GRIK3: variants seen among roughly 807,000 people sequenced by gnomAD.
GRIK3 encodes glutamate receptor ionotropic, kainate 3.
In GRIK3, 29 loss-of-function variants were observed where a neutral mutation model predicts 102.5. The observed-to-expected ratio is 0.28, with a 90% confidence interval of 0.21 to 0.39. The LOEUF is 0.39. Ranked by LOEUF, GRIK3 falls within the 10% of genes least tolerant of loss-of-function variation. The pLI, the probability that GRIK3 is intolerant of heterozygous loss-of-function variation, is 1.00. For synonymous variants in GRIK3, 511 were observed against 504.9 expected (o/e 1.01, Z -0.16); for missense variants, 908 against 1,252.4 (o/e 0.73, Z 4.15).
intron 1 of GRIK3, among the ~76,000 whole-genome samples, chr1:36,983,162 C>T (rs1025423770): frequency 3.3e-5 from 5 of 152,120 alleles, no homozygotes; most frequent in Non-Finnish European, 5.9e-5. Flanking sequence ...TTCCCGACAC[C>T]GACACCGAGG....
intron 1 of GRIK3, among the ~76,000 whole-genome samples, chr1:37,019,408 C>T (rs765342286): frequency 1.3e-5 from 2 of 152,146 alleles, no homozygotes; most frequent in East Asian, 1.9e-4. Context: ...ACTTTCAGTT[C>T]GTCTCTTCAT....
Position 36,853,648 on chromosome 1 carries a change from G to T in GRIK3, c.1179C>A (p.Asp393Glu). 1 of 1,613,584 alleles carries T rather than the reference G, an allele frequency of 6.2e-7. No individual in the cohort carries two copies. Among genetic ancestry groups the T allele is most frequent in the Non-Finnish European group, 8.5e-7 (1 of 1,179,606 alleles). ...GGCCATCCTCTTTCAGGCTGATGATGTCCAGATCAAAATCCGTCCGCAAGC... is the reference window on the plus strand; with the variant it reads ...GGCCATCCTCTTTCAGGCTGATGATTTCCAGATCAAAATCCGTCCGCAAGC... The part of the protein sequence containing the change: ...TSGLRTDFDL[D>E]IISLKEDGLE... The change falls in exon 8 of 16, where the codon GAC becomes GAA. Residue 393 changes from aspartate to glutamate, a missense_variant. Transcript: ENST00000373091.
chr1:36,845,656 C>A (rs1481904570), intron 9 of GRIK3, among the ~76,000 whole-genome samples: 1 of 152,250 alleles, frequency 6.6e-6, no homozygotes, highest in East Asian at 1.9e-4. Flanking sequence ...GTCCTTGGCA[C>A]AAATGCACCA....
intron 1 of GRIK3, among the ~76,000 whole-genome samples, chr1:36,944,072 G>C (rs889896153): frequency 1.3e-5 from 2 of 152,190 alleles, no homozygotes; most frequent in African/African-American, 4.8e-5. Flanking sequence ...GGCATCTGAG[G>C]AAACCTGAAG....
At chr1:36,830,096 A>C (rs1640235538) in intron 10 of GRIK3, among the ~76,000 whole-genome samples, 1 of 152,164 alleles carries the variant, frequency 6.6e-6, no homozygotes, top group Admixed American at 6.5e-5. Flanking sequence ...TCCACCTCTT[A>C]GTTGGGATCC....
chr1:36,842,044 AC>A, intron 9 of GRIK3, 105 bp from the exon 10 acceptor site: 1 of 948,314 alleles, frequency 1.1e-6, no homozygotes, highest in Non-Finnish European at 1.7e-6. Flanking sequence ...GTTTTTATAA[AC>A]CCCTTGGAGT....
In GRIK3 at chr1:36,800,005, C is replaced by G. The variant is rs936339049; in HGVS notation, c.*1846G>C. 4 of 152,216 alleles carry G rather than the reference C, an allele frequency of 2.6e-5. No individual in the cohort carries two copies. Among genetic ancestry groups the G allele is most frequent in the African/African-American group, 9.7e-5 (4 of 41,430 alleles). 9.4% of individuals were successfully genotyped at this position (152,216 alleles called of 1,614,324 possible). A position where few individuals can be genotyped will look rare whatever the true frequency, so the allele number is the denominator to read the frequency against. On this transcript the variant is annotated 3_prime_UTR_variant, in exon 16 of 16. Coordinates refer to ENST00000373091, the MANE Select transcript of GRIK3 (RefSeq NM_000831.4). ...TGGTGTATGTCTAGCCCTCCTCTCC[C>G]TCGTCCAATGTACATAGCCAGTCAG... is the stretch of plus-strand genomic sequence containing the variant.
chr1:37,014,407 C>T (rs142090789), intron 1 of GRIK3, among the ~76,000 whole-genome samples: 4 of 152,330 alleles, frequency 2.6e-5, no homozygotes, highest in Non-Finnish European at 4.4e-5. Context: ...CAAGCTGAAC[C>T]GCAGACCAGC....
intron 2 of GRIK3, 133 bp from the exon 3 acceptor site, chr1:36,881,024 T>G: frequency 1.1e-6 from 1 of 892,538 alleles, no homozygotes; most frequent in South Asian, 1.7e-5. Context: ...ATGGATGAGC[T>G]CTCTGAACCT....
intron 1 of GRIK3, among the ~76,000 whole-genome samples, chr1:36,963,508 T>C (rs916717887): frequency 2.0e-5 from 3 of 152,174 alleles, no homozygotes; most frequent in Non-Finnish European, 4.4e-5. Flanking sequence ...ATTATCTCAC[T>C]GAGTCCTCAC....
At chr1:36,960,799 C>A (rs766075523) in intron 1 of GRIK3, among the ~76,000 whole-genome samples, 3 of 152,192 alleles carry the variant, frequency 2.0e-5, no homozygotes, top group African/African-American at 7.2e-5. Context: ...ATATCAGCAT[C>A]CCTCCTTCCC....
At chr1:36,951,750 G>GAGA (rs1419358857) in intron 1 of GRIK3, among the ~76,000 whole-genome samples, 2 of 152,242 alleles carry the variant, frequency 1.3e-5, no homozygotes, top group East Asian at 3.9e-4. Context: ...AAGGGGGAGG[G>GAGA]AGAAGGAGAA....
chr1:36,821,600 G>C (rs1339400582), intron 11 of GRIK3, among the ~76,000 whole-genome samples: 1 of 152,216 alleles, frequency 6.6e-6, no homozygotes, highest in African/African-American at 2.4e-5. Context: ...CAGGATGCTG[G>C]GTCCACAGTG....
chr1:36,935,053 A>C (rs1372122286), intron 1 of GRIK3, among the ~76,000 whole-genome samples: 1 of 152,170 alleles, frequency 6.6e-6, no homozygotes, highest in Non-Finnish European at 1.5e-5. Flanking sequence ...AAGGATGTAA[A>C]AGGAGTAGGA....
chr1:36,988,404 C>T (rs1434533277), intron 1 of GRIK3, among the ~76,000 whole-genome samples: 1 of 152,258 alleles, frequency 6.6e-6, no homozygotes, highest in African/African-American at 2.4e-5. Context: ...CACTTGCCCT[C>T]CCATCTCTGG....
At chr1:36,886,505 G>C (rs1468288945) in intron 2 of GRIK3, among the ~76,000 whole-genome samples, 2 of 152,198 alleles carry the variant, frequency 1.3e-5, no homozygotes, top group African/African-American at 4.8e-5. Context: ...GAGGGATAGA[G>C]GGTACCCAAA....
At chr1:36,968,219 CCGTGTGT>C (rs1557445537) in intron 1 of GRIK3, among the ~76,000 whole-genome samples, 1 of 127,382 alleles carries the variant, frequency 7.9e-6, no homozygotes, top group African/African-American at 3.2e-5. Flanking sequence ...CTCTCTCTCT[CCGTGTGT>C]GTGTGTGTGT....
At chr1:36,915,875 G>A (rs796191764) in intron 1 of GRIK3, among the ~76,000 whole-genome samples, 3 of 152,154 alleles carry the variant, frequency 2.0e-5, no homozygotes, top group African/African-American at 7.2e-5. Flanking sequence ...GGCTAATTCA[G>A]TAAATTGGTA....
chr1:36,937,025 A>C (rs1403827418), intron 1 of GRIK3, among the ~76,000 whole-genome samples: 1 of 152,172 alleles, frequency 6.6e-6, no homozygotes, highest in Non-Finnish European at 1.5e-5. Context: ...GCAGTGGAGG[A>C]TATCGGGCTG....
Sources: gnomAD v4.1 joint callset for allele counts (sites outside exome capture counted in the v4.1 genomes callset) on GRCh38, gnomAD v4.1.1 for gene constraint, MANE v1.5 for transcripts, NCBI Gene and HGNC (gene_info 2026-07-23, HGNC 2026-07-21) for gene names.